MCCC1: variants seen among roughly 807,000 people sequenced by gnomAD.
MCCC1 encodes methylcrotonoyl-CoA carboxylase subunit alpha, mitochondrial.
Under a neutral mutation model 83.8 loss-of-function variants are expected in MCCC1, and 64 were observed. The ratio of observed to expected loss-of-function variants is 0.76; its 90% CI spans 0.62 to 0.94. The LOEUF (loss-of-function observed/expected upper bound fraction) is 0.94, where lower values mean the gene tolerates loss of function less well. Among genes scored for constraint, MCCC1 ranks in the 40% least tolerant of loss-of-function variants. The pLI is 0.00. For synonymous variants in MCCC1, 322 were observed against 315.4 expected (o/e 1.02, Z -0.22); for missense variants, 807 against 904.7 (o/e 0.89, Z 1.39).
At chr3:183,046,415 T>TTA in intron 9 of MCCC1, among the ~76,000 whole-genome samples, 1 of 151,532 alleles carries the variant, frequency 6.6e-6, no homozygotes, top group Non-Finnish European at 1.5e-5. Flanking sequence ...TTTTTTTTTT[T>TTA]AAGATGGAAT....
In MCCC1 at chr3:183,094,762, AAG is replaced by A. The variant is rs1718618602; in HGVS notation, c.90-159_90-158del. ...TGGGTAGAAAACTAATCTAGAACTC[AAG>A]AGTTAGAGTTCTGGCTGTTTTCCCT... is the stretch of plus-strand genomic sequence containing the variant. On this transcript the variant is annotated intron_variant, in intron 1 of 18. Coordinates refer to ENST00000265594, the MANE Select transcript of MCCC1 (RefSeq NM_020166.5). 7.2e-5 allele frequency among the ~76,000 whole-genome samples: 11 copies of A among 152,314 alleles called. 1 individual carries two copies. The South Asian group carries it at 1.9e-3, about 26-fold the overall frequency.
chr3:183,079,394 C>T (rs1367762343), intron 4 of MCCC1, among the ~76,000 whole-genome samples: 1 of 152,198 alleles, frequency 6.6e-6, no homozygotes, highest in Non-Finnish European at 1.5e-5. Context: ...GGGCTACAGG[C>T]TCCATGCAAG....
chr3:183,015,807 C>T (rs996094688), intron 18 of MCCC1, among the ~76,000 whole-genome samples: 9 of 151,714 alleles, frequency 5.9e-5, no homozygotes, highest in African/African-American at 2.2e-4. Flanking sequence ...AACCTTTCAA[C>T]GATATGACTG....
chr3:183,085,630 T>TAAA (rs57408690), intron 4 of MCCC1, among the ~76,000 whole-genome samples: 9 of 103,240 alleles, frequency 8.7e-5, no homozygotes, highest in Non-Finnish European at 1.2e-4. Flanking sequence ...ACCCTGTCTT[T>TAAA]AAAAAAAAAA....
At chr3:183,085,130 G>C (rs550930734) in intron 4 of MCCC1, among the ~76,000 whole-genome samples, 47 of 152,306 alleles carry the variant, frequency 3.1e-4, no homozygotes, top group African/African-American at 1.1e-3. Context: ...AGACAACGAA[G>C]AATTTCTAAG....
In MCCC1 at chr3:183,039,065, C is replaced by T. The variant is rs373049854; in HGVS notation, c.1338G>A (p.Ala446=). 4.2e-5 allele frequency: 68 copies of T among 1,614,032 alleles called. No individual in the cohort carries two copies. Among genetic ancestry groups the T allele is most frequent in the Non-Finnish European group, 5.2e-5 (61 of 1,180,032 alleles). ...GGCTGTACCTCAGTTTTGTCAATGC[C>T]GCCTGGCGATCTGCTGCCCACACGA... ...KLVVWAADRQ[A]ALTKLRYSLR... The change falls in exon 12 of 19, where the codon GCG becomes GCA. Residue 446 remains alanine, a synonymous_variant. Coordinates refer to ENST00000265594, the MANE Select transcript of MCCC1 (RefSeq NM_020166.5).
chr3:183,030,469 T>C (rs2108454344), intron 14 of MCCC1, among the ~76,000 whole-genome samples: 1 of 152,336 alleles, frequency 6.6e-6, no homozygotes, highest in East Asian at 1.9e-4. Context: ...TCAGCCTCAC[T>C]GTCCTTGGGA....
intron 13 of MCCC1, among the ~76,000 whole-genome samples, chr3:183,034,671 G>T (rs977554073): frequency 3.3e-5 from 5 of 151,956 alleles, no homozygotes; most frequent in African/African-American, 9.7e-5. Context: ...CTTTTGATGG[G>T]GCAAATTCAT....
At position 183,057,347 on chromosome 3, in the gene MCCC1, C is replaced by G; in HGVS notation, c.837G>C (p.Gln279His). The G allele has an allele frequency of 6.2e-7, 1 of 1,610,282 alleles. No individual in the cohort carries two copies. The highest frequency in any genetic ancestry group is 8.5e-7 in the Non-Finnish European group (1 of 1,177,938). ...CCTCAATGATCTTCTGATGTCGCCT[C>G]TGCACACTACAGTCTCTTTCAAACA... ...VYLFERDCSVQRRHQKIIEEA... is the reference protein window; with the variant it reads ...VYLFERDCSVHRRHQKIIEEA... Residue 279 changes from glutamine to histidine, a missense_variant, in exon 8 of 19, where the codon CAG becomes CAC. Physicochemically the swap from Gln to His is conservative, Grantham distance 24. Transcript: ENST00000265594.
intron 14 of MCCC1, among the ~76,000 whole-genome samples, chr3:183,033,088 T>C (rs1713220589): frequency 6.6e-6 from 1 of 152,162 alleles, no homozygotes. Flanking sequence ...CTCTGCCCAT[T>C]GGGCCTCCCA....
In MCCC1 at chr3:183,022,426, T is replaced by C. The variant is rs1057521696; in HGVS notation, c.1860A>G (p.Leu620=). 2 of 1,614,062 alleles carry C rather than the reference T, an allele frequency of 1.2e-6. No individual in the cohort carries two copies. Among genetic ancestry groups the C allele is most frequent in the East Asian group, 2.2e-5 (1 of 44,872 alleles). ...AAAGAAGAGACATTACCTTGGAAAA[T>C]AGGTAAATAGTGTTTTCCAGGATAA... ...KLIILENTIY[L]FSKEGSIEID... Residue 620 remains leucine (L), a synonymous_variant, in exon 16 of 19, where the codon CTA becomes CTG. Transcript: ENST00000265594.
chr3:183,101,847 A>C (rs1719314089), upstream of MCCC1, among the ~76,000 whole-genome samples: 1 of 152,058 alleles, frequency 6.6e-6, no homozygotes, highest in South Asian at 2.1e-4. Context: ...GCCCAGCGAG[A>C]CCACGAGCCC....
intron 12 of MCCC1, among the ~76,000 whole-genome samples, chr3:183,038,024 C>T (rs760944601): frequency 6.6e-6 from 1 of 152,196 alleles, no homozygotes; most frequent in Non-Finnish European, 1.5e-5. Context: ...CATTCATTCA[C>T]TCATCCATTC....
chr3:183,032,730 C>T (rs946156423), intron 14 of MCCC1, among the ~76,000 whole-genome samples: 27 of 151,938 alleles, frequency 1.8e-4, no homozygotes, highest in Admixed American at 3.9e-4. Flanking sequence ...AAAACTTAGC[C>T]GGGCGTGGTG....
chr3:183,089,881 A>T (rs200423540), intron 3 of MCCC1, among the ~76,000 whole-genome samples: 1 of 152,180 alleles, frequency 6.6e-6, no homozygotes, highest in Non-Finnish European at 1.5e-5. Flanking sequence ...AAAGGTCATG[A>T]GTTCAATTTC....
intron 7 of MCCC1, among the ~76,000 whole-genome samples, chr3:183,061,032 C>G (rs1560245710): frequency 6.6e-6 from 1 of 152,166 alleles, no homozygotes; most frequent in African/African-American, 2.4e-5. Context: ...TTCATCAGGG[C>G]AGAGCACTCA....
chr3:183,071,332 C>T lies in MCCC1; in HGVS notation c.517G>A (p.Ala173Thr). The T allele has an allele frequency of 6.2e-7, 1 of 1,614,210 alleles. No homozygotes were observed. The highest frequency in any genetic ancestry group is 8.5e-7 in the Non-Finnish European group (1 of 1,180,044). ...TAACCCTCCACAACAGGTACTCCAG[C>T]AGCAGCCATTATGGATTTGGATGTG... is the stretch of plus-strand genomic sequence containing the variant. The part of the protein sequence containing the change: ...KSTSKSIMAA[A>T]GVPVVEGYHG... The change falls in exon 6 of 19, where the codon GCT becomes ACT. Residue 173 changes from alanine (A) to threonine (T), a missense_variant. Coordinates refer to ENST00000265594, the MANE Select transcript of MCCC1 (RefSeq NM_020166.5).
chr3:183,065,456 G>A (rs923772420), intron 7 of MCCC1, among the ~76,000 whole-genome samples: 10 of 152,078 alleles, frequency 6.6e-5, no homozygotes, highest in Admixed American at 2.6e-4. Flanking sequence ...ATATTTTGTC[G>A]GAAAAGTAAA....
At chr3:183,030,815 G>A (rs1373960499) in intron 14 of MCCC1, among the ~76,000 whole-genome samples, 1 of 152,056 alleles carries the variant, frequency 6.6e-6, no homozygotes, top group Non-Finnish European at 1.5e-5. Context: ...CAAAAACTTT[G>A]TATTGAATGT....
Sources: gnomAD v4.1 joint callset for allele counts (sites outside exome capture counted in the v4.1 genomes callset) on GRCh38, gnomAD v4.1.1 for gene constraint, MANE v1.5 for transcripts, NCBI Gene and HGNC (gene_info 2026-07-23, HGNC 2026-07-21) for gene names.